Variants in CC2D2B observed in about 807,000 individuals in gnomAD.
The protein encoded by CC2D2B is protein CC2D2B.
CC2D2B carries 128 observed loss-of-function variants against 161.2 expected under a neutral mutation model. The observed-to-expected ratio is 0.79, with a 90% CI of 0.69 to 0.92. The LOEUF (loss-of-function observed/expected upper bound fraction) is 0.92, where lower values mean the gene tolerates loss of function less well. Among genes scored for constraint, CC2D2B ranks in the 40% least tolerant of loss-of-function variants. The probability of loss-of-function intolerance (pLI) is 0.00; values close to 1 mark genes in which losing one functional copy is unlikely to be tolerated. For missense variants in CC2D2B, 1,173 were observed against 1,375.1 expected (o/e 0.85, Z 2.32); for synonymous variants, 391 against 449.8 (o/e 0.87, Z 1.65).
intron 9 of CC2D2B, among the ~76,000 whole-genome samples, chr10:95,949,647 T>TA (rs1339768230): frequency 9.5e-6 from 1 of 105,518 alleles, no homozygotes; most frequent in East Asian, 2.2e-4. Flanking sequence ...CCCTAAAACT[T>TA]AGAGTATAAT....
At chr10:96,000,173 C>G (rs1468718272) in intron 24 of CC2D2B, 42 of 1,438,752 alleles carry the variant, frequency 2.9e-5, no homozygotes, top group Non-Finnish European at 3.7e-5. Flanking sequence ...GCCAAAGGAA[C>G]AACTCCATGT....
chr10:96,012,382 G>A lies in CC2D2B; in HGVS notation c.3228+15G>A. The A allele has an allele frequency of 1.5e-6, 1 of 681,620 alleles. No individual in the cohort carries two copies. The highest frequency in any genetic ancestry group is 2.4e-5 in the Admixed American group (1 of 40,864). 42.2% of individuals were successfully genotyped at this position (681,620 alleles called of 1,614,324 possible). A position where few individuals can be genotyped will look rare whatever the true frequency, so the allele number is the denominator to read the frequency against. On this transcript the variant is annotated intron_variant, in intron 27 of 34. Coordinates refer to ENST00000646931, the MANE Select transcript of CC2D2B (RefSeq NM_001349008.3). Reference sequence around the variant, plus strand: ...CACTAGATAAGGTAGGTTTTACATTGAATTTCTTTTATATATACCATCAAA... The same window carrying A: ...CACTAGATAAGGTAGGTTTTACATTAAATTTCTTTTATATATACCATCAAA...
At chr10:96,023,652 T>A (rs565001839) in intron 32 of CC2D2B, among the ~76,000 whole-genome samples, 2 of 152,320 alleles carry the variant, frequency 1.3e-5, no homozygotes, top group East Asian at 3.9e-4. Flanking sequence ...TCCTGCAAGA[T>A]GACACAAAGT....
At chr10:95,936,534 T>C (rs2075827813) in intron 6 of CC2D2B, among the ~76,000 whole-genome samples, 1 of 152,136 alleles carries the variant, frequency 6.6e-6, no homozygotes, top group South Asian at 2.1e-4. Flanking sequence ...CTTGTATCCA[T>C]CTAGACTTAT....
At chr10:95,970,191 G>GC (rs1269391293) in intron 15 of CC2D2B, among the ~76,000 whole-genome samples, 2 of 151,926 alleles carry the variant, frequency 1.3e-5, no homozygotes, top group Non-Finnish European at 2.9e-5. Context: ...CCACCACCAT[G>GC]CCCCGCTAAT....
chr10:95,995,274 TG>T lies in CC2D2B; in HGVS notation c.2650del (p.Asp884IlefsTer6). On this transcript the variant is annotated frameshift_variant, in exon 23 of 35. Transcript: ENST00000646931. LOFTEE classifies it high-confidence loss of function. ...CTCTATTGTTTTTCCTGAAGATCCT[TG>T]GATATGCCTACTTGTTTGAAATCAT... Reference protein sequence around the residue: ...PTRKTTINGSLDMPTCLKSSI... With the variant: ...PTRKTTINGSXDMPTCLKSSI... 2.6e-6 allele frequency: 4 copies of T among 1,512,758 alleles called. No individual in the cohort carries two copies. Among genetic ancestry groups the T allele is most frequent in the Non-Finnish European group, 3.5e-6 (4 of 1,134,328 alleles). The allele number at this position is 1,512,758 out of a possible 1,614,324, so 93.7% of individuals were successfully genotyped here. A position where few individuals can be genotyped will look rare whatever the true frequency, so the allele number is the denominator to read the frequency against.
chr10:95,911,591 A>G (rs1033587763), intron 2 of CC2D2B, among the ~76,000 whole-genome samples: 2 of 152,128 alleles, frequency 1.3e-5, no homozygotes, highest in Non-Finnish European at 2.9e-5. Flanking sequence ...TCTTACTTCA[A>G]TATCTATTTG....
intron 4 of CC2D2B, 113 bp from the exon 5 acceptor site, chr10:95,924,666 C>A: frequency 1.4e-6 from 1 of 719,388 alleles, no homozygotes; most frequent in Non-Finnish European, 2.4e-6. Context: ...ACACATACCA[C>A]ACTTTTTAAA....
At chr10:95,929,594 A>T (rs2141215676) in intron 6 of CC2D2B, among the ~76,000 whole-genome samples, 1 of 152,310 alleles carries the variant, frequency 6.6e-6, no homozygotes, top group African/African-American at 2.4e-5. Context: ...GAAGGGGTCC[A>T]GTTTCAGTTT....
chr10:95,924,064 A>C (rs1302896123), intron 3 of CC2D2B, among the ~76,000 whole-genome samples: 1 of 152,090 alleles, frequency 6.6e-6, no homozygotes, highest in Non-Finnish European at 1.5e-5. Flanking sequence ...TAGAGGATAG[A>C]AAAGTTGTCA....
intron 25 of CC2D2B, among the ~76,000 whole-genome samples, chr10:96,008,314 A>G (rs2078846921): frequency 1.3e-5 from 2 of 151,912 alleles, no homozygotes; most frequent in Admixed American, 6.6e-5. Context: ...GCTTGTTTAT[A>G]TATTCACCTG....
chr10:95,999,695 G>A, intron 24 of CC2D2B: 1 of 187,394 alleles, frequency 5.3e-6, no homozygotes, highest in Non-Finnish European at 1.1e-5. Flanking sequence ...TGAGAGAGAG[G>A]ACACCACACT....
At chr10:95,999,574 T>C (rs1424156284) in intron 24 of CC2D2B, among the ~76,000 whole-genome samples, 2 of 152,172 alleles carry the variant, frequency 1.3e-5, no homozygotes, top group African/African-American at 4.8e-5. Context: ...TTGAGTAATT[T>C]GTTGCACAAT....
intron 6 of CC2D2B, among the ~76,000 whole-genome samples, chr10:95,934,713 T>A (rs1337476597): frequency 1.3e-5 from 2 of 152,190 alleles, no homozygotes; most frequent in Non-Finnish European, 2.9e-5. Flanking sequence ...CTCTGTGGGC[T>A]GCACCCACTG....
At chr10:95,991,226 G>A in intron 20 of CC2D2B, 144 bp from the exon 21 acceptor site, 1 of 333,308 alleles carries the variant, frequency 3.0e-6, no homozygotes, top group Non-Finnish European at 5.4e-6. Flanking sequence ...GCAAACAGAA[G>A]AGTATTTTCA....
intron 23 of CC2D2B, 139 bp from the exon 24 acceptor site, chr10:95,996,004 C>CAATA (rs1453008028): frequency 7.3e-6 from 3 of 409,386 alleles, no homozygotes; most frequent in Non-Finnish European, 1.3e-5. Flanking sequence ...GATGTTTATT[C>CAATA]AATAAATAAA....
At chr10:95,969,624 G>A (rs762445263) in intron 15 of CC2D2B, among the ~76,000 whole-genome samples, 7 of 151,900 alleles carry the variant, frequency 4.6e-5, no homozygotes, top group Non-Finnish European at 1.0e-4. Flanking sequence ...TTATAATGTC[G>A]AGAATAATTT....
At position 96,004,256 on chromosome 10, in the gene CC2D2B, A is replaced by T; in HGVS notation, c.2946+8A>T. The T allele has an allele frequency of 7.5e-7, 1 of 1,340,420 alleles. No homozygotes were observed. The highest frequency in any genetic ancestry group is 1.0e-6 in the Non-Finnish European group (1 of 971,414). The allele number at this position is 1,340,420 out of a possible 1,614,324, so 83.0% of individuals were successfully genotyped here. A position where few individuals can be genotyped will look rare whatever the true frequency, so the allele number is the denominator to read the frequency against. On this transcript the variant is annotated splice_region_variant and intron_variant, in intron 25 of 34. Transcript: ENST00000646931. ...ATGACTGAAAAACATGAGGTAAAGT[A>T]GAATAATTACAATAGCCAATGCTGA...
chr10:96,001,559 A>T (rs558930497), intron 24 of CC2D2B, among the ~76,000 whole-genome samples: 6 of 152,206 alleles, frequency 3.9e-5, no homozygotes, highest in Non-Finnish European at 8.8e-5. Flanking sequence ...GGCTATATAA[A>T]CATTCACATC....
Sources: allele counts gnomAD v4.1 joint callset (sites outside exome capture counted in the v4.1 genomes callset), GRCh38; gene constraint gnomAD v4.1.1; transcripts MANE v1.5; gene names NCBI Gene and HGNC (gene_info 2026-07-23, HGNC 2026-07-21).